TNFSF4: variants seen among roughly 807,000 people sequenced by gnomAD.
TNFSF4 encodes the protein TNF superfamily member 4.
A neutral mutation model predicts 7.3 loss-of-function variants in TNFSF4; 4 were observed. The observed-to-expected ratio is 0.55, with a 90% CI of 0.27 to 1.25. The LOEUF (loss-of-function observed/expected upper bound fraction) is 1.25, where lower values mean the gene tolerates loss of function less well. Ranked by LOEUF, TNFSF4 falls within the 50% of genes most tolerant of loss-of-function variation. TNFSF4 has a pLI of 0.12. For missense variants in TNFSF4, 181 were observed against 208.8 expected, an observed-to-expected ratio of 0.87 and a Z score of 0.82; for synonymous variants, 76 against 83.7, an observed-to-expected ratio of 0.91 and a Z score of 0.50.
the TNFSF4 span, among the ~76,000 whole-genome samples, chr1:173,396,099 C>G: frequency 6.6e-6 from 1 of 152,164 alleles, no homozygotes; most frequent in Non-Finnish European, 1.5e-5. Context: ...CCAGTATGCC[C>G]TGAAAGGTGA....
the TNFSF4 span, among the ~76,000 whole-genome samples, chr1:173,434,688 T>C: frequency 6.6e-6 from 1 of 152,178 alleles, no homozygotes; most frequent in African/African-American, 2.4e-5. Flanking sequence ...GGAGACCAAA[T>C]GCCAGCAAAG....
chr1:173,238,320 C>A, the TNFSF4 span, among the ~76,000 whole-genome samples: 1 of 152,098 alleles, frequency 6.6e-6, no homozygotes, highest in South Asian at 2.1e-4. Context: ...CTAGGTGATA[C>A]CATGCTGGAC....
chr1:173,178,824 G>C (rs75973038), downstream of TNFSF4, among the ~76,000 whole-genome samples: 1,656 of 152,240 alleles, frequency 0.011, 26 homozygotes, highest in African/African-American at 0.037. Context: ...ATCTTGAGAT[G>C]AGGAGATTAT....
chr1:173,367,687 C>T, the TNFSF4 span, among the ~76,000 whole-genome samples: 1 of 152,216 alleles, frequency 6.6e-6, no homozygotes, highest in Non-Finnish European at 1.5e-5. Context: ...CCCTGAAGTT[C>T]AAGCTTCTTT....
At chr1:173,226,890 CA>C in the TNFSF4 span, among the ~76,000 whole-genome samples, 1,135 of 152,272 alleles carry the variant, frequency 7.5e-3, 13 homozygotes, top group African/African-American at 0.026. Flanking sequence ...ACTTTGCATT[CA>C]AATGTTTACA....
chr1:173,388,202 A>G, the TNFSF4 span, among the ~76,000 whole-genome samples: 1 of 152,252 alleles, frequency 6.6e-6, no homozygotes, highest in East Asian at 1.9e-4. Flanking sequence ...TGGAGATAGT[A>G]TTATTGACAT....
chr1:173,425,439 T>C, the TNFSF4 span, among the ~76,000 whole-genome samples: 2 of 152,090 alleles, frequency 1.3e-5, no homozygotes, highest in Non-Finnish European at 2.9e-5. Context: ...AAAGGATAGA[T>C]TGAAAAGCTC....
chr1:173,367,977 A>G, the TNFSF4 span, among the ~76,000 whole-genome samples: 1 of 152,154 alleles, frequency 6.6e-6, no homozygotes, highest in Non-Finnish European at 1.5e-5. Context: ...GGATTGTAAA[A>G]TGGACCAATC....
the TNFSF4 span, among the ~76,000 whole-genome samples, chr1:173,177,971 AAC>A: frequency 6.6e-6 from 1 of 152,222 alleles, no homozygotes; most frequent in Non-Finnish European, 1.5e-5. Flanking sequence ...TATTATAAAT[AAC>A]ACAGTTTCAG....
chr1:173,182,135 T>C (rs949734233), downstream of TNFSF4, among the ~76,000 whole-genome samples: 2 of 152,220 alleles, frequency 1.3e-5, no homozygotes, highest in African/African-American at 2.4e-5. Flanking sequence ...GCTCTGTGCA[T>C]ACCTTTTGCA....
chr1:173,189,867 T>A (rs1649400517), intron 1 of TNFSF4, among the ~76,000 whole-genome samples: 1 of 152,034 alleles, frequency 6.6e-6, no homozygotes, highest in African/African-American at 2.4e-5. Context: ...TCTAATTTTT[T>A]AAAAAGTTTT....
the TNFSF4 span, among the ~76,000 whole-genome samples, chr1:173,330,930 G>C: frequency 6.8e-6 from 1 of 148,120 alleles, no homozygotes; most frequent in African/African-American, 2.5e-5. Context: ...TGTTGCCCAG[G>C]CTGGAGTGCA....
chr1:173,206,424 T>C (rs1271062784), intron 1 of TNFSF4, among the ~76,000 whole-genome samples: 2 of 152,154 alleles, frequency 1.3e-5, no homozygotes, highest in African/African-American at 4.8e-5. Context: ...AGGGAAAAGG[T>C]GAAATGATGT....
the TNFSF4 span, among the ~76,000 whole-genome samples, chr1:173,177,335 T>A: frequency 6.6e-6 from 1 of 152,060 alleles, no homozygotes; most frequent in East Asian, 1.9e-4. Context: ...AGCAAACTAA[T>A]GCAGGAACAG....
chr1:173,397,737 C>A, the TNFSF4 span, among the ~76,000 whole-genome samples: 2 of 152,176 alleles, frequency 1.3e-5, no homozygotes, highest in Non-Finnish European at 2.9e-5. Flanking sequence ...GAAAAGGCTT[C>A]CACTTTTCCC....
rs1036538451 is a variant in TNFSF4 at position 173,196,619 on chromosome 1, C to T, written c.154-8050G>A. ...AGCATGAACTGTGGTTTTATTGTCC[C>T]TAATACAATTAGCAACTGACAGATT... On this transcript the variant is annotated intron_variant, in intron 1 of 2. Coordinates refer to ENST00000281834, the MANE Select transcript of TNFSF4 (RefSeq NM_003326.5). 1.6e-4 allele frequency among the ~76,000 whole-genome samples: 24 copies of T among 152,258 alleles called. No homozygotes were observed. In the South Asian group the frequency reaches 1.7e-3, roughly 11 times the overall value.
chr1:173,381,882 A>G, the TNFSF4 span, among the ~76,000 whole-genome samples: 1 of 152,224 alleles, frequency 6.6e-6, no homozygotes, highest in Non-Finnish European at 1.5e-5. Context: ...TGCACCAAGC[A>G]GCACTCTGTA....
the TNFSF4 span, among the ~76,000 whole-genome samples, chr1:173,344,725 A>T: frequency 6.6e-6 from 1 of 152,236 alleles, no homozygotes; most frequent in East Asian, 1.9e-4. Flanking sequence ...CAACTTTAAT[A>T]TCTGGAGACC....
At chr1:173,246,871 T>C in the TNFSF4 span, among the ~76,000 whole-genome samples, 1 of 152,352 alleles carries the variant, frequency 6.6e-6, no homozygotes, top group Non-Finnish European at 1.5e-5. Context: ...AGATATTCTC[T>C]CTTTTGCTTT....
Sources: allele counts gnomAD v4.1 joint callset (sites outside exome capture counted in the v4.1 genomes callset), GRCh38; gene constraint gnomAD v4.1.1; transcripts MANE v1.5; gene names NCBI Gene and HGNC (gene_info 2026-07-23, HGNC 2026-07-21).